MROH9: variants seen among roughly 807,000 people sequenced by gnomAD.
MROH9 encodes maestro heat like repeat family member 9.
In MROH9, 92 loss-of-function variants were observed where a neutral mutation model predicts 98.2. The observed-to-expected ratio is 0.94, with a 90% confidence interval of 0.79 to 1.11. MROH9 has a LOEUF of 1.11. MROH9 is among the 50% of genes most tolerant of loss of function. The pLI, the probability that MROH9 is intolerant of heterozygous loss-of-function variation, is 0.00. For synonymous variants in MROH9, 397 were observed against 368.9 expected (o/e 1.08, Z -0.87); for missense variants, 1,057 against 1,014.8 (o/e 1.04, Z -0.57).
Position 170,998,212 on chromosome 1 carries a change from C to G in MROH9, c.1534C>G (p.Leu512Val), listed in dbSNP as rs2101816387. 1.2e-6 allele frequency: 2 copies of G among 1,613,148 alleles called. No individual in the cohort carries two copies. The highest frequency in any genetic ancestry group is 2.2e-5 in the East Asian group (1 of 44,832). ...GGAGACCCTGAGTTATCTCTATAAG[C>G]TCTCAGTAGAAGGTCCTAGAAGGTC... Reference protein sequence around the residue: ...FPETLSYLYKLSVEGPRRSED... With the variant: ...FPETLSYLYKVSVEGPRRSED... The change falls in exon 15 of 22, where the codon CTC becomes GTC. Residue 512 changes from leucine to valine, a missense_variant. Physicochemically the swap from Leu to Val is conservative, Grantham distance 32. Coordinates refer to ENST00000367759, the MANE Select transcript of MROH9 (RefSeq NM_001163629.2).
At chr1:170,955,394 C>T (rs1351287834) in intron 3 of MROH9, among the ~76,000 whole-genome samples, 1 of 152,128 alleles carries the variant, frequency 6.6e-6, no homozygotes, top group African/African-American at 2.4e-5. Context: ...GGAATCTCCA[C>T]ACTGTTTTCC....
rs1650423696 is a variant in MROH9 at position 170,970,745 on chromosome 1, AG to A, written c.481-1002del. On this transcript the variant is annotated intron_variant, in intron 7 of 21. Transcript: ENST00000367759. Reference sequence around the variant, plus strand: ...GTGTGTGTGTGTGAGAGAGAGAGAGAGAGAGAGAGAGAGAGAGAGAGAGACA... The same window carrying A: ...GTGTGTGTGTGTGAGAGAGAGAGAGAAGAGAGAGAGAGAGAGAGAGAGACA... 2.6e-4 allele frequency among the ~76,000 whole-genome samples: 34 copies of A among 132,760 alleles called. 1 individual carries two copies. The highest frequency in any genetic ancestry group is 4.4e-3 in the Middle Eastern group (1 of 228). The allele number at this position is 132,760 out of a possible 152,430, so 87.1% of individuals were successfully genotyped here. A position where few individuals can be genotyped will look rare whatever the true frequency, so the allele number is the denominator to read the frequency against.
At chr1:171,049,742 T>C (rs1653604481) in intron 20 of MROH9, among the ~76,000 whole-genome samples, 1 of 151,996 alleles carries the variant, frequency 6.6e-6, no homozygotes, top group Non-Finnish European at 1.5e-5. Context: ...TGGAGGGCAG[T>C]GTGAACACAG....
In MROH9 at chr1:170,986,640, A is replaced by T. The variant is rs745631600; in HGVS notation, c.809A>T (p.Asp270Val). 5.6e-6 allele frequency: 9 copies of T among 1,613,766 alleles called. No homozygotes were observed. Among genetic ancestry groups the T allele is most frequent in the Non-Finnish European group, 6.8e-6 (8 of 1,179,910 alleles). Residue 270 changes from aspartate (D) to valine (V), a missense_variant, in exon 10 of 22, where the codon GAT becomes GTT. Physicochemically the swap from Asp to Val is radical, Grantham distance 152 (BLOSUM62 -3). Transcript: ENST00000367759. ...SLLMKLSSPD[D>V]KIASDAASIL... The stretch of plus-strand genomic sequence containing the variant: ...CTGATGAAACTCTCTTCACCTGATG[A>T]TAAAATCGCATCTGATGCAGCATCC...
At chr1:170,953,172 T>C (rs989258002) in intron 3 of MROH9, among the ~76,000 whole-genome samples, 4 of 152,168 alleles carry the variant, frequency 2.6e-5, no homozygotes, top group Non-Finnish European at 5.9e-5. Context: ...CTTATTTGAA[T>C]ATTTAGTAAA....
rs763768909 is a variant in MROH9, at chr1:170,971,886, A to G, written c.616+3A>G. The stretch of plus-strand genomic sequence containing the variant: ...CTACATTGCACGGTGTCAGAACGGT[A>G]AGAACAGTTCACCATCTTTTCTCAG... On this transcript the variant is annotated splice_donor_region_variant and intron_variant, in intron 8 of 21. Transcript: ENST00000367759. 6.2e-7 allele frequency: 1 copy of G among 1,613,722 alleles called. No homozygotes were observed. Among genetic ancestry groups the G allele is most frequent in the South Asian group, 1.1e-5 (1 of 91,056 alleles).
At chr1:170,995,102 G>A (rs1651509782) in intron 12 of MROH9, among the ~76,000 whole-genome samples, 1 of 152,066 alleles carries the variant, frequency 6.6e-6, no homozygotes, top group Non-Finnish European at 1.5e-5. Context: ...GGGGACCTTG[G>A]AAGGGAAGCC....
intron 20 of MROH9, among the ~76,000 whole-genome samples, chr1:171,025,999 C>T (rs1055323933): frequency 6.6e-6 from 1 of 152,114 alleles, no homozygotes. Context: ...AGTGAGTCTC[C>T]AACTTGGCAG....
intron 8 of MROH9, among the ~76,000 whole-genome samples, chr1:170,972,523 G>A (rs563053910): frequency 9.9e-5 from 15 of 152,226 alleles, no homozygotes; most frequent in South Asian, 2.1e-4. Context: ...AATATACATA[G>A]TTTTTGGCAA....
chr1:170,998,209 A>C lies in MROH9; in HGVS notation c.1531A>C (p.Lys511Gln), dbSNP rs1343268165. Reference sequence around the variant, plus strand: ...TCCGGAGACCCTGAGTTATCTCTATAAGCTCTCAGTAGAAGGTCCTAGAAG... The same window carrying C: ...TCCGGAGACCCTGAGTTATCTCTATCAGCTCTCAGTAGAAGGTCCTAGAAG... ...QFPETLSYLY[K>Q]LSVEGPRRSE... Residue 511 changes from lysine to glutamine, a missense_variant, in exon 15 of 22, where the codon AAG becomes CAG. Physicochemically the swap from Lys to Gln is moderately conservative, Grantham distance 53 (BLOSUM62 1). Transcript: ENST00000367759. The C allele has an allele frequency of 1.9e-6, 3 of 1,613,162 alleles. No homozygotes were observed. Among genetic ancestry groups the C allele is most frequent in the Middle Eastern group, 1.7e-4 (1 of 6,052 alleles).
chr1:170,993,344 T>C (rs1442673315), intron 12 of MROH9, among the ~76,000 whole-genome samples: 2 of 152,192 alleles, frequency 1.3e-5, no homozygotes, highest in African/African-American at 4.8e-5. Flanking sequence ...TTTGTTTGCA[T>C]TGACATTCCT....
At chr1:170,955,085 A>G (rs1470281221) in intron 3 of MROH9, among the ~76,000 whole-genome samples, 1 of 152,062 alleles carries the variant, frequency 6.6e-6, no homozygotes, top group East Asian at 1.9e-4. Flanking sequence ...TTCCTGACTT[A>G]CTTTACTTAG....
At chr1:170,941,141 T>C (rs548797297) in intron 1 of MROH9, among the ~76,000 whole-genome samples, 111 of 152,188 alleles carry the variant, frequency 7.3e-4, no homozygotes, top group African/African-American at 2.5e-3. Flanking sequence ...ACATTTTGGG[T>C]CTCCTGGAAT....
chr1:170,993,281 G>A (rs902602975), intron 12 of MROH9, among the ~76,000 whole-genome samples: 2 of 152,096 alleles, frequency 1.3e-5, no homozygotes, highest in African/African-American at 4.8e-5. Context: ...TCAGATGAGG[G>A]GATTAGCTAG....
At chr1:170,950,192 T>C (rs1649494667) in intron 3 of MROH9, among the ~76,000 whole-genome samples, 1 of 152,066 alleles carries the variant, frequency 6.6e-6, no homozygotes, top group South Asian at 2.1e-4. Context: ...ATACTGTGTT[T>C]ACCCTAAAAC....
Position 170,996,534 on chromosome 1 carries a change from G to A in MROH9, c.1365G>A (p.Leu455=), listed in dbSNP as rs770896656. The part of the protein sequence containing the change: ...ALYAQDALRV[L]LNCSGLQQVD... ...ATGCCCAGGATGCCCTGAGAGTTCT[G>A]CTGAATTGTTCTGGACTGCAACAGG... is the stretch of plus-strand genomic sequence containing the variant. The change falls in exon 14 of 22, where the codon CTG becomes CTA. Residue 455 remains leucine (L), a synonymous_variant. Coordinates refer to ENST00000367759, the MANE Select transcript of MROH9 (RefSeq NM_001163629.2). 6.2e-7 allele frequency: 1 copy of A among 1,613,472 alleles called. No homozygotes were observed. The highest frequency in any genetic ancestry group is 1.7e-5 in the Admixed American group (1 of 59,952).
intron 20 of MROH9, among the ~76,000 whole-genome samples, chr1:171,056,574 G>A (rs541597821): frequency 2.5e-4 from 37 of 150,860 alleles, no homozygotes; most frequent in African/African-American, 9.0e-4. Context: ...AGTTCCAGGA[G>A]CCCAGATGAG....
chr1:170,998,433 G>C (rs746226018), intron 15 of MROH9, 159 bp downstream of exon 15: 3 of 1,587,088 alleles, frequency 1.9e-6, no homozygotes, highest in Non-Finnish European at 2.6e-6. Flanking sequence ...GAGAGGTGTG[G>C]AGTTAGATCT....
chr1:170,996,575 T>C lies in MROH9; in HGVS notation c.1406T>C (p.Met469Thr). The change falls in exon 14 of 22, where the codon ATG (methionine) becomes ACG (threonine). Residue 469 changes from methionine (M) to threonine (T), a missense_variant. Coordinates refer to ENST00000367759, the MANE Select transcript of MROH9 (RefSeq NM_001163629.2). Reference sequence around the variant, plus strand: ...CTGCAACAGGTGGATATTACTCTAATGAAGGAGAATTTCTGGGACCAGTTA... The same window carrying C: ...CTGCAACAGGTGGATATTACTCTAACGAAGGAGAATTTCTGGGACCAGTTA... The part of the protein sequence containing the change: ...SGLQQVDITL[M>T]KENFWDQLSE... 1 of 1,613,668 alleles carries C rather than the reference T, an allele frequency of 6.2e-7. No individual in the cohort carries two copies. Among genetic ancestry groups the C allele is most frequent in the Non-Finnish European group, 8.5e-7 (1 of 1,179,688 alleles).
Sources: gnomAD v4.1 joint callset for allele counts (sites outside exome capture counted in the v4.1 genomes callset) on GRCh38, gnomAD v4.1.1 for gene constraint, MANE v1.5 for transcripts, NCBI Gene and HGNC (gene_info 2026-07-23, HGNC 2026-07-21) for gene names.